RNF150: variants seen among roughly 807,000 people sequenced by gnomAD.
RNF150 encodes the protein ring finger protein 150.
A neutral mutation model predicts 39.3 loss-of-function variants in RNF150; 24 were observed. That is an observed-to-expected ratio of 0.61 (90% CI 0.44 to 0.86). RNF150 has a LOEUF of 0.86. Among genes scored for constraint, RNF150 ranks in the 40% least tolerant of loss-of-function variants. RNF150 has a pLI of 0.00. For missense variants in RNF150, 502 were observed against 587.8 expected (o/e 0.85, Z 1.51); for synonymous variants, 255 against 227.3 (o/e 1.12, Z -1.10).
At position 140,999,969 on chromosome 4, in the gene RNF150, G is replaced by GAAGAAGAAGAAGAAGAAGAAAAGAAGAA. The variant is rs1560678529; in HGVS notation, c.485-32097_485-32096insTTCTTCTTTTCTTCTTCTTCTTCTTCTT. ...AGAAGAAGAAGAAGAAGAAGAAGAA[G>GAAGAAGAAGAAGAAGAAGAAAAGAAGAA]AAGAAGAAAAGAAGAAAAGAAGAAA... is the stretch of plus-strand genomic sequence containing the variant. On this transcript the variant is annotated intron_variant, in intron 1 of 6. Transcript: ENST00000515673. 9.7e-4 allele frequency among the ~76,000 whole-genome samples: 30 copies of GAAGAAGAAGAAGAAGAAGAAAAGAAGAA among 31,046 alleles called. 5 individuals carry two copies. In the South Asian group the frequency reaches 1.0e-2, roughly 10 times the overall value. 20.4% of individuals were successfully genotyped at this position (31,046 alleles called of 152,430 possible).
intron 1 of RNF150, among the ~76,000 whole-genome samples, chr4:141,167,315 AAC>A (rs139274231): frequency 0.48 from 72,164 of 151,644 alleles, 17,641 homozygotes; most frequent in East Asian, 0.81. Context: ...CAAGTGGAAA[AAC>A]AGTCCATGCT....
chr4:140,961,199 T>C (rs1190995135), intron 2 of RNF150, among the ~76,000 whole-genome samples: 1 of 152,186 alleles, frequency 6.6e-6, no homozygotes, highest in African/African-American at 2.4e-5. Flanking sequence ...CTAAAAGACC[T>C]TGCTGGGAGG....
intron 1 of RNF150, among the ~76,000 whole-genome samples, chr4:141,016,388 T>C (rs1293220334): frequency 6.6e-6 from 1 of 152,178 alleles, no homozygotes; most frequent in East Asian, 1.9e-4. Context: ...GCAACACCAG[T>C]ACATTTTCTG....
chr4:140,932,457 T>C (rs775059023), intron 4 of RNF150, among the ~76,000 whole-genome samples: 1 of 152,194 alleles, frequency 6.6e-6, no homozygotes, highest in African/African-American at 2.4e-5. Context: ...AAGTAAATTA[T>C]CTGAAGAGCT....
chr4:141,017,927 A>T (rs1319007453), intron 1 of RNF150, among the ~76,000 whole-genome samples: 1 of 152,184 alleles, frequency 6.6e-6, no homozygotes, highest in Non-Finnish European at 1.5e-5. Context: ...GTTGCCTCCA[A>T]GTTTTGGCAA....
chr4:141,179,224 T>C (rs182455278), intron 1 of RNF150, among the ~76,000 whole-genome samples: 139 of 152,312 alleles, frequency 9.1e-4, no homozygotes, highest in African/African-American at 3.2e-3. Flanking sequence ...CAGTATTTCC[T>C]GAATTAATAA....
chr4:141,211,242 A>T (rs1215245357), intron 1 of RNF150, among the ~76,000 whole-genome samples: 4 of 152,188 alleles, frequency 2.6e-5, no homozygotes, highest in Admixed American at 1.3e-4. Context: ...TTCAAAAAAA[A>T]TCACAGTAGC....
At chr4:141,032,457 TA>T (rs1735984806) in intron 1 of RNF150, among the ~76,000 whole-genome samples, 1 of 152,182 alleles carries the variant, frequency 6.6e-6, no homozygotes, top group Non-Finnish European at 1.5e-5. Context: ...CGCATGTACA[TA>T]CATACACAAA....
At chr4:141,052,982 T>G (rs1478061787) in intron 1 of RNF150, among the ~76,000 whole-genome samples, 1 of 152,156 alleles carries the variant, frequency 6.6e-6, no homozygotes, top group African/African-American at 2.4e-5. Flanking sequence ...TTGCTTAGCC[T>G]CTCTGTTCCT....
chr4:140,925,081 G>C (rs942076267), intron 5 of RNF150, among the ~76,000 whole-genome samples: 1 of 152,214 alleles, frequency 6.6e-6, no homozygotes, highest in African/African-American at 2.4e-5. Flanking sequence ...ATGACAATAG[G>C]CAGGTGGCAG....
chr4:140,919,478 A>C (rs1731008009), intron 5 of RNF150, among the ~76,000 whole-genome samples: 3 of 148,584 alleles, frequency 2.0e-5, no homozygotes, highest in Non-Finnish European at 4.5e-5. Context: ...CCAACTTACA[A>C]GGGACGTGAA....
intron 1 of RNF150, among the ~76,000 whole-genome samples, chr4:141,061,606 T>C (rs1320078675): frequency 6.6e-6 from 1 of 152,158 alleles, no homozygotes; most frequent in Non-Finnish European, 1.5e-5. Context: ...GCAAGAGACA[T>C]CTGACTTTTC....
At chr4:141,083,317 A>G (rs150045756) in intron 1 of RNF150, among the ~76,000 whole-genome samples, 3 of 152,236 alleles carry the variant, frequency 2.0e-5, no homozygotes, top group African/African-American at 7.2e-5. Context: ...AAACATCATC[A>G]ATAACCATAC....
chr4:141,067,951 C>CT (rs59761096), intron 1 of RNF150, among the ~76,000 whole-genome samples: 1,574 of 145,736 alleles, frequency 0.011, 10 homozygotes, highest in South Asian at 0.023. Context: ...AGTCAAGATA[C>CT]TTTTTTTTTT....
chr4:140,904,856 C>T (rs1480958687), intron 6 of RNF150, among the ~76,000 whole-genome samples: 1 of 152,172 alleles, frequency 6.6e-6, no homozygotes, highest in Non-Finnish European at 1.5e-5. Context: ...GTTCTAAATG[C>T]TTCATCAATT....
At chr4:140,886,194 AAAAAAAAAAAAAAAAAAG>A (rs2111216643) in intron 6 of RNF150, among the ~76,000 whole-genome samples, 1 of 151,246 alleles carries the variant, frequency 6.6e-6, no homozygotes, top group Admixed American at 6.6e-5. Context: ...CCATCACAAA[AAAAAAAAAAAAAAAAAAG>A]AAAAGTATGT....
intron 1 of RNF150, among the ~76,000 whole-genome samples, chr4:141,018,719 A>G (rs1180493981): frequency 6.6e-6 from 1 of 152,046 alleles, no homozygotes; most frequent in Non-Finnish European, 1.5e-5. Flanking sequence ...CCAGCTGTCC[A>G]TTGCTTGCCA....
intron 1 of RNF150, among the ~76,000 whole-genome samples, chr4:141,062,853 C>T (rs1170289390): frequency 6.6e-6 from 1 of 152,138 alleles, no homozygotes. Context: ...CTAGTAGGCC[C>T]CAGTGTCCAC....
chr4:140,964,902 A>C (rs2111415355), intron 2 of RNF150, among the ~76,000 whole-genome samples: 1 of 152,002 alleles, frequency 6.6e-6, no homozygotes, highest in East Asian at 1.9e-4. Context: ...AAATAGAAGC[A>C]AGTATATATG....
Sources: allele counts gnomAD v4.1 joint callset (sites outside exome capture counted in the v4.1 genomes callset), GRCh38; gene constraint gnomAD v4.1.1; transcripts MANE v1.5; gene names NCBI Gene and HGNC (gene_info 2026-07-23, HGNC 2026-07-21).